Variants in SHISA6 observed in about 807,000 individuals in gnomAD.
The protein encoded by SHISA6 is protein shisa-6.
In SHISA6, 22 loss-of-function variants were observed where a neutral mutation model predicts 47.9. That is an observed-to-expected ratio of 0.46 (90% CI 0.33 to 0.66). The LOEUF is 0.66. Among genes scored for constraint, SHISA6 ranks in the 30% least tolerant of loss-of-function variants. The probability of loss-of-function intolerance (pLI) is 0.02; values close to 1 mark genes in which losing one functional copy is unlikely to be tolerated. For missense variants in SHISA6, 680 were observed against 764.6 expected (o/e 0.89, Z 1.30); for synonymous variants, 388 against 337.8 (o/e 1.15, Z -1.63).
At chr17:11,246,972 C>T (rs888224615) in intron 1 of SHISA6, among the ~76,000 whole-genome samples, 2 of 152,142 alleles carry the variant, frequency 1.3e-5, no homozygotes, top group Non-Finnish European at 2.9e-5. Context: ...CTCAGAAGGC[C>T]TTCACACCCA....
At chr17:11,392,100 A>G (rs1288238459) in intron 3 of SHISA6, among the ~76,000 whole-genome samples, 1 of 152,210 alleles carries the variant, frequency 6.6e-6, no homozygotes, top group Non-Finnish European at 1.5e-5. Context: ...CAGAGCTCAT[A>G]AAGTATTCAT....
intron 2 of SHISA6, among the ~76,000 whole-genome samples, chr17:11,358,896 G>T (rs1320401599): frequency 1.3e-5 from 2 of 151,944 alleles, no homozygotes; most frequent in Non-Finnish European, 2.9e-5. Flanking sequence ...TGAGCTCAAA[G>T]CAATCTGCCC....
chr17:11,451,854 C>T (rs73284775), intron 3 of SHISA6, among the ~76,000 whole-genome samples: 76 of 152,316 alleles, frequency 5.0e-4, no homozygotes, highest in African/African-American at 1.8e-3. Context: ...GCTTTAGGAA[C>T]GTTGACCATC....
Position 11,263,540 on chromosome 17 carries a change from G to A in SHISA6, c.799+14G>A, listed in dbSNP as rs887373623. 1.3e-6 allele frequency: 2 copies of A among 1,551,306 alleles called. No homozygotes were observed. Among genetic ancestry groups the A allele is most frequent in the African/African-American group, 1.4e-5 (1 of 73,014 alleles). Reference sequence around the variant, plus strand: ...AGCAGACTCCAGGTAAGTAACAGCTGGGCACCTTGATTCTTTGCTGAGGCT... The same window carrying A: ...AGCAGACTCCAGGTAAGTAACAGCTAGGCACCTTGATTCTTTGCTGAGGCT... On this transcript the variant is annotated intron_variant, in intron 2 of 5. Transcript: ENST00000441885.
chr17:11,497,040 G>C (rs1016045591), intron 3 of SHISA6, among the ~76,000 whole-genome samples: 1 of 152,202 alleles, frequency 6.6e-6, no homozygotes, highest in Admixed American at 6.5e-5. Context: ...CATAAGTTTG[G>C]ACACTGAGCT....
At position 11,454,822 on chromosome 17, in the gene SHISA6, C is replaced by T. The variant is rs12450908; in HGVS notation, c.895+75313C>T. Among the ~76,000 whole-genome samples the T allele has an allele frequency of 4.2e-3, 640 of 152,262 alleles. 5 individuals are homozygous for T. The highest frequency in any genetic ancestry group is 0.017 in the Admixed American group (257 of 15,290). The stretch of plus-strand genomic sequence containing the variant: ...GAACCTTCAGAGCAGAGAACTCATC[C>T]TGGTTGTCACTCCTACTTGGAGCAG... On this transcript the variant is annotated intron_variant, in intron 3 of 5. Coordinates refer to ENST00000441885, the MANE Select transcript of SHISA6 (RefSeq NM_207386.4).
At chr17:11,379,705 A>G (rs1485439143) in intron 3 of SHISA6, 196 bp downstream of exon 3, 1 of 447,700 alleles carries the variant, frequency 2.2e-6, no homozygotes, top group Non-Finnish European at 3.9e-6. Context: ...TTAGAGGGCG[A>G]TAGACTTCCA....
Position 11,263,538 on chromosome 17 carries a change from C to T in SHISA6, c.799+12C>T. 3 of 1,551,562 alleles carry T rather than the reference C, an allele frequency of 1.9e-6. No individual in the cohort carries two copies. The highest frequency in any genetic ancestry group is 2.6e-6 in the Non-Finnish European group (3 of 1,146,882). Reference sequence around the variant, plus strand: ...CAAGCAGACTCCAGGTAAGTAACAGCTGGGCACCTTGATTCTTTGCTGAGG... The same window carrying T: ...CAAGCAGACTCCAGGTAAGTAACAGTTGGGCACCTTGATTCTTTGCTGAGG... On this transcript the variant is annotated intron_variant, in intron 2 of 5. Coordinates refer to ENST00000441885, the MANE Select transcript of SHISA6 (RefSeq NM_207386.4).
rs149824630 is a variant in SHISA6 at position 11,482,922 on chromosome 17, T to C, written c.896-68974T>C. On this transcript the variant is annotated intron_variant, in intron 3 of 5. Transcript: ENST00000441885. ...AAGTAACTACTTATAGAGTTAAATA[T>C]AACACTATAGAGGAAAAAACAAAAC... Among the ~76,000 whole-genome samples the C allele has an allele frequency of 5.7e-3, 868 of 152,074 alleles. 13 individuals carry two copies. Among genetic ancestry groups the C allele is most frequent in the African/African-American group, 0.021 (851 of 41,486 alleles).
Position 11,560,952 on chromosome 17 carries a change from A to G in SHISA6, c.*2648A>G, listed in dbSNP as rs2072037687. 6.6e-6 allele frequency: 1 copy of G among 152,134 alleles called. No homozygotes were observed. Among genetic ancestry groups the G allele is most frequent in the Non-Finnish European group, 1.5e-5 (1 of 68,046 alleles). 9.4% of individuals were successfully genotyped at this position (152,134 alleles called of 1,614,324 possible). ...AGGGAGGGAGGGGAGGAGGGAAGAA[A>G]AAAGAAGTAGAGATAGGTCTACAGA... On this transcript the variant is annotated 3_prime_UTR_variant, in exon 6 of 6. Coordinates refer to ENST00000441885, the MANE Select transcript of SHISA6 (RefSeq NM_207386.4).
At chr17:11,457,934 A>C (rs1915588054) in intron 3 of SHISA6, among the ~76,000 whole-genome samples, 1 of 151,294 alleles carries the variant, frequency 6.6e-6, no homozygotes, top group Non-Finnish European at 1.5e-5. Context: ...AAATACAAAA[A>C]ATTAGCCGGG....
At chr17:11,317,629 G>A (rs1223867422) in intron 2 of SHISA6, among the ~76,000 whole-genome samples, 3 of 151,500 alleles carry the variant, frequency 2.0e-5, no homozygotes, top group Non-Finnish European at 4.4e-5. Context: ...TTTAAACTTT[G>A]TTTTTGTTTT....
intron 3 of SHISA6, among the ~76,000 whole-genome samples, chr17:11,486,429 A>C (rs1051920549): frequency 1.3e-5 from 2 of 152,254 alleles, no homozygotes; most frequent in Non-Finnish European, 2.9e-5. Context: ...GGCTTGGCAC[A>C]TAGTTGGCAG....
intron 2 of SHISA6, among the ~76,000 whole-genome samples, chr17:11,361,924 T>G (rs1051682233): frequency 6.6e-6 from 1 of 152,066 alleles, no homozygotes; most frequent in Non-Finnish European, 1.5e-5. Flanking sequence ...AGAGATGGGG[T>G]CAGCTCACAG....
chr17:11,463,972 A>C (rs1452962124), intron 3 of SHISA6, among the ~76,000 whole-genome samples: 1 of 152,178 alleles, frequency 6.6e-6, no homozygotes, highest in Non-Finnish European at 1.5e-5. Context: ...GCTGGAGTGC[A>C]GTGATCCAAT....
At chr17:11,350,166 A>ATTTTTTTTTT (rs1567581064) in intron 2 of SHISA6, among the ~76,000 whole-genome samples, 4 of 110,914 alleles carry the variant, frequency 3.6e-5, no homozygotes, top group African/African-American at 1.5e-4. Context: ...TAATTTATTT[A>ATTTTTTTTTT]TTTATTTATT....
In SHISA6 at chr17:11,560,613, A is replaced by G. The variant is rs1304729209; in HGVS notation, c.*2309A>G. 2.6e-5 allele frequency: 4 copies of G among 152,216 alleles called. No individual in the cohort carries two copies. Among genetic ancestry groups the G allele is most frequent in the African/African-American group, 9.7e-5 (4 of 41,410 alleles). The allele number at this position is 152,216 out of a possible 1,614,324, so 9.4% of individuals were successfully genotyped here. A position where few individuals can be genotyped will look rare whatever the true frequency, so the allele number is the denominator to read the frequency against. Reference sequence around the variant, plus strand: ...CCTTCCCAGGTGTCTACATGCAGGTATACACCAAACCAGAAAGCTGATCCC... The same window carrying G: ...CCTTCCCAGGTGTCTACATGCAGGTGTACACCAAACCAGAAAGCTGATCCC... On this transcript the variant is annotated 3_prime_UTR_variant, in exon 6 of 6. Transcript: ENST00000441885.
chr17:11,409,455 G>A (rs1315134421), intron 3 of SHISA6, among the ~76,000 whole-genome samples: 4 of 152,046 alleles, frequency 2.6e-5, no homozygotes, highest in Non-Finnish European at 5.9e-5. Flanking sequence ...GGTGGCTCAC[G>A]CCTGTAATCC....
At chr17:11,345,029 A>G (rs1911653812) in intron 2 of SHISA6, among the ~76,000 whole-genome samples, 1 of 152,162 alleles carries the variant, frequency 6.6e-6, no homozygotes, top group African/African-American at 2.4e-5. Context: ...GAGAATATGC[A>G]GTATTTAGTT....
Sources: allele counts gnomAD v4.1 joint callset (sites outside exome capture counted in the v4.1 genomes callset), GRCh38; gene constraint gnomAD v4.1.1; transcripts MANE v1.5; gene names NCBI Gene and HGNC (gene_info 2026-07-23, HGNC 2026-07-21).